GRIP1: variants seen among roughly 807,000 people sequenced by gnomAD.
GRIP1 encodes glutamate receptor interacting protein 1.
A neutral mutation model predicts 129.9 loss-of-function variants in GRIP1; 45 were observed. The observed-to-expected ratio is 0.35, with a 90% CI of 0.27 to 0.44. The LOEUF is 0.44. Ranked by LOEUF, GRIP1 falls within the 20% of genes least tolerant of loss-of-function variation. The pLI, the probability that GRIP1 is intolerant of heterozygous loss-of-function variation, is 1.00. For synonymous variants in GRIP1, 530 were observed against 520.8 expected, an observed-to-expected ratio of 1.02 and a Z score of -0.24; for missense variants, 1,196 against 1,396.8, an observed-to-expected ratio of 0.86 and a Z score of 2.29.
Position 66,431,180 on chromosome 12 carries a change from G to T in GRIP1, c.1768+1368C>A, listed in dbSNP as rs149095458. Among the ~76,000 whole-genome samples, 10 of 152,238 alleles carry T rather than the reference G, an allele frequency of 6.6e-5. No individual in the cohort carries two copies. In the East Asian group the frequency reaches 1.9e-3, roughly 29 times the overall value. On this transcript the variant is annotated intron_variant, in intron 14 of 24. Transcript: ENST00000359742. ...CTGATACGCTTTCTTAATTTTAGTA[G>T]CCCTAGTTGTTGACACTATAGTGAC...
chr12:66,366,189 TC>T (rs2055133028), intron 23 of GRIP1, among the ~76,000 whole-genome samples: 1 of 152,242 alleles, frequency 6.6e-6, no homozygotes, highest in African/African-American at 2.4e-5. Context: ...GCATGAGGAT[TC>T]ATTTGATCTT....
At chr12:66,986,058 T>C (rs1253019374) in intron 1 of GRIP1, among the ~76,000 whole-genome samples, 3 of 152,210 alleles carry the variant, frequency 2.0e-5, no homozygotes, top group South Asian at 2.1e-4. Flanking sequence ...CTAAATCTAA[T>C]ACATTACTTA....
At chr12:66,895,435 G>C (rs1250829626) in intron 1 of GRIP1, among the ~76,000 whole-genome samples, 2 of 152,132 alleles carry the variant, frequency 1.3e-5, no homozygotes. Flanking sequence ...GAAACTGTCA[G>C]TCCACTAAAT....
intron 1 of GRIP1, among the ~76,000 whole-genome samples, chr12:66,634,963 ATAT>A (rs1252564300): frequency 6.6e-6 from 1 of 152,234 alleles, no homozygotes; most frequent in Non-Finnish European, 1.5e-5. Flanking sequence ...ACCTGGCATC[ATAT>A]TATTTGTTCA....
At chr12:66,962,765 A>C (rs2137539761) in intron 1 of GRIP1, among the ~76,000 whole-genome samples, 1 of 152,268 alleles carries the variant, frequency 6.6e-6, no homozygotes, top group Non-Finnish European at 1.5e-5. Flanking sequence ...AGCCCACTTA[A>C]TTTTACTCTG....
chr12:66,939,023 AGGGG>A (rs57742972), intron 1 of GRIP1, among the ~76,000 whole-genome samples: 33,382 of 151,920 alleles, frequency 0.22, 3,733 homozygotes, highest in South Asian at 0.26. Flanking sequence ...TGGAGGAAAA[AGGGG>A]GTATAGTTGA....
At chr12:66,859,276 CAAAAAAACAAAAAAA>C (rs2040064741) in intron 1 of GRIP1, among the ~76,000 whole-genome samples, 1 of 10,884 alleles carries the variant, frequency 9.2e-5, no homozygotes. Context: ...AACAAAAAAA[CAAAAAAACAAAAAAA>C]CAAAAAAACA....
intron 22 of GRIP1, chr12:66,372,178 A>G: frequency 1.8e-6 from 1 of 571,148 alleles, no homozygotes. Context: ...ATCAAATACC[A>G]CCCCTGGCAG....
At chr12:67,068,127 A>G (rs1377499481) in intron 1 of GRIP1, among the ~76,000 whole-genome samples, 1 of 152,152 alleles carries the variant, frequency 6.6e-6, no homozygotes, top group Non-Finnish European at 1.5e-5. Context: ...CACTCAGTAC[A>G]TCATATCCAG....
At chr12:66,913,149 G>A (rs1566076116) in intron 1 of GRIP1, among the ~76,000 whole-genome samples, 1 of 152,162 alleles carries the variant, frequency 6.6e-6, no homozygotes, top group East Asian at 1.9e-4. Flanking sequence ...CCTGAAACAA[G>A]TGCTTGAAAC....
chr12:66,483,017 T>C (rs2059849073), intron 7 of GRIP1, among the ~76,000 whole-genome samples: 1 of 152,334 alleles, frequency 6.6e-6, no homozygotes, highest in South Asian at 2.1e-4. Context: ...GATGACTGTT[T>C]GCATGGGAAA....
In GRIP1 at chr12:66,444,620, T is replaced by G. The variant is rs766138032; in HGVS notation, c.1651A>C (p.Ser551Arg). 6.2e-7 allele frequency: 1 copy of G among 1,613,978 alleles called. No homozygotes were observed. The highest frequency in any genetic ancestry group is 1.1e-5 in the South Asian group (1 of 91,072). ...SQLLRDSSIT[S>R]KVTLEIEFDV... The stretch of plus-strand genomic sequence containing the variant: ...AACTCGATTTCCAGTGTGACCTTGC[T>G]CGTGATTGAAGAGTCTCGGAGGAGC... The change falls in exon 13 of 25, where the codon AGC becomes CGC. Residue 551 changes from serine (S) to arginine (R), a missense_variant. Physicochemically the swap from Ser to Arg is moderately radical, Grantham distance 110. Transcript: ENST00000359742.
At chr12:67,041,459 T>C (rs1290427254) in intron 1 of GRIP1, among the ~76,000 whole-genome samples, 1 of 152,112 alleles carries the variant, frequency 6.6e-6, no homozygotes, top group Non-Finnish European at 1.5e-5. Context: ...GTTACTTTTA[T>C]TATTATTTAT....
intron 1 of GRIP1, among the ~76,000 whole-genome samples, chr12:66,934,152 T>C (rs2041446135): frequency 6.6e-6 from 1 of 152,212 alleles, no homozygotes; most frequent in Non-Finnish European, 1.5e-5. Context: ...TCTTCTTTTT[T>C]TCAGGTCATT....
At chr12:66,518,009 C>T in intron 5 of GRIP1, 33 bp from the exon 6 acceptor site, 1 of 1,172,368 alleles carries the variant, frequency 8.5e-7, no homozygotes, top group Non-Finnish European at 1.3e-6. Context: ...CTTAAAACTG[C>T]TTTCATTGTT....
chr12:66,460,064 C>A (rs570652480), intron 9 of GRIP1, among the ~76,000 whole-genome samples: 2 of 152,028 alleles, frequency 1.3e-5, no homozygotes, highest in Admixed American at 6.6e-5. Context: ...ATTATTATGA[C>A]CCCCATTTTA....
chr12:66,584,466 G>A (rs1167509197), intron 2 of GRIP1, among the ~76,000 whole-genome samples: 3 of 152,094 alleles, frequency 2.0e-5, no homozygotes, highest in African/African-American at 7.2e-5. Flanking sequence ...CCAGCTACTC[G>A]GGAGGCTGAG....
At chr12:66,541,786 T>C (rs2061788573) in intron 3 of GRIP1, 29 bp downstream of exon 3, 2 of 1,610,136 alleles carry the variant, frequency 1.2e-6, no homozygotes, top group Middle Eastern at 1.7e-4. Context: ...CTGTGTTCCT[T>C]TCAGTAGATT....
At chr12:66,430,306 G>C (rs2058110701) in intron 14 of GRIP1, among the ~76,000 whole-genome samples, 1 of 152,190 alleles carries the variant, frequency 6.6e-6, no homozygotes, top group Non-Finnish European at 1.5e-5. Flanking sequence ...GTGACGACTA[G>C]TTGTGCAAAT....
Sources: gnomAD v4.1 joint callset for allele counts (sites outside exome capture counted in the v4.1 genomes callset) on GRCh38, gnomAD v4.1.1 for gene constraint, MANE v1.5 for transcripts, NCBI Gene and HGNC (gene_info 2026-07-23, HGNC 2026-07-21) for gene names.